The following COBLL1 variants were observed in gnomAD, a reference collection of about 807,000 sequenced individuals.
COBLL1 encodes the protein cordon-bleu protein-like 1.
Under a neutral mutation model 94.8 loss-of-function variants are expected in COBLL1, and 50 were observed. The observed-to-expected ratio is 0.53, with a 90% CI of 0.42 to 0.67. The LOEUF (loss-of-function observed/expected upper bound fraction) is 0.67. Ranked by LOEUF, COBLL1 falls within the 30% of genes least tolerant of loss-of-function variation. COBLL1 has a pLI of 0.00. For missense variants in COBLL1, 1,362 were observed against 1,348.7 expected (o/e 1.01, Z -0.15); for synonymous variants, 448 against 473.8 (o/e 0.95, Z 0.71).
intron 3 of COBLL1, among the ~76,000 whole-genome samples, chr2:164,735,232 A>G (rs1454348299): frequency 2.6e-5 from 4 of 152,204 alleles, no homozygotes; most frequent in Non-Finnish European, 5.9e-5. Context: ...AAGGGGCTCA[A>G]ATGCATAGTA....
intron 2 of COBLL1, among the ~76,000 whole-genome samples, chr2:164,771,128 A>T (rs1688181225): frequency 6.6e-6 from 1 of 152,080 alleles, no homozygotes. Flanking sequence ...TTATCTCAAA[A>T]GCAAAACTAA....
intron 2 of COBLL1, among the ~76,000 whole-genome samples, chr2:164,751,072 A>C (rs1252577258): frequency 6.6e-6 from 1 of 152,090 alleles, no homozygotes; most frequent in East Asian, 1.9e-4. Context: ...TTTAACCAGA[A>C]AACTTCAAAT....
chr2:164,737,240 A>G (rs1686354135), intron 3 of COBLL1, among the ~76,000 whole-genome samples: 1 of 152,056 alleles, frequency 6.6e-6, no homozygotes. Flanking sequence ...GACGCCAGGA[A>G]AGCAAAGGGA....
intron 2 of COBLL1, chr2:164,771,843 C>A (rs1260428981): frequency 6.6e-6 from 1 of 151,574 alleles, no homozygotes; most frequent in African/African-American, 2.4e-5. Flanking sequence ...TCATCCAGTT[C>A]TAAAGATTAA....
intron 2 of COBLL1, among the ~76,000 whole-genome samples, chr2:164,823,145 T>C (rs1685264025): frequency 6.6e-6 from 1 of 152,216 alleles, no homozygotes; most frequent in Admixed American, 6.5e-5. Flanking sequence ...CTGGTGGTTG[T>C]TCAAAGATGT....
intron 7 of COBLL1, among the ~76,000 whole-genome samples, chr2:164,715,025 T>C (rs1247423245): frequency 6.6e-6 from 1 of 152,160 alleles, no homozygotes; most frequent in Non-Finnish European, 1.5e-5. Context: ...GTCAGAAACC[T>C]AAAATGTAAT....
At position 164,700,505 on chromosome 2, in the gene COBLL1, G is replaced by A. The variant is rs183167192; in HGVS notation, c.1460+17C>T. ...TAAACTAACGGCCACCAACACTCCA[G>A]CACAGAGACTACTTACTGTCCATCT... is the stretch of plus-strand genomic sequence containing the variant. On this transcript the variant is annotated intron_variant, in intron 10 of 13. Coordinates refer to ENST00000652658, the MANE Select transcript of COBLL1 (RefSeq NM_001365672.2). 4.4e-4 allele frequency: 666 copies of A among 1,527,224 alleles called. 3 individuals carry two copies. The African/African-American group carries it at 5.6e-3, about 13-fold the overall frequency. 94.6% of individuals were successfully genotyped at this position (1,527,224 alleles called of 1,614,324 possible). A position where few individuals can be genotyped will look rare whatever the true frequency, so the allele number is the denominator to read the frequency against.
intron 2 of COBLL1, among the ~76,000 whole-genome samples, chr2:164,783,794 C>T (rs563468965): frequency 1.3e-5 from 2 of 152,002 alleles, no homozygotes; most frequent in South Asian, 4.2e-4. Context: ...TAGCGAGATC[C>T]AATCACGACA....
chr2:164,833,489 C>G (rs907494901), intron 2 of COBLL1, among the ~76,000 whole-genome samples: 37 of 141,332 alleles, frequency 2.6e-4, no homozygotes, highest in Middle Eastern at 3.9e-3. Flanking sequence ...CTCACTCTTT[C>G]GCCCAGGCCG....
intron 2 of COBLL1, among the ~76,000 whole-genome samples, chr2:164,744,238 G>A (rs1005791013): frequency 1.3e-5 from 2 of 152,130 alleles, no homozygotes; most frequent in Admixed American, 1.3e-4. Context: ...TTTCAGGATA[G>A]AGATCAGTAT....
intron 2 of COBLL1, among the ~76,000 whole-genome samples, chr2:164,806,022 T>C (rs371424974): frequency 6.6e-6 from 1 of 152,234 alleles, no homozygotes; most frequent in Non-Finnish European, 1.5e-5. Flanking sequence ...GCCATTTTAA[T>C]AGGTGTTTAC....
chr2:164,805,337 C>CTCTCTCTATATATA (rs758137553), intron 2 of COBLL1, among the ~76,000 whole-genome samples: 2 of 17,050 alleles, frequency 1.2e-4, no homozygotes, highest in East Asian at 1.1e-3. Context: ...CTCTCTCTCT[C>CTCTCTCTATATATA]TATATATATA....
intron 2 of COBLL1, among the ~76,000 whole-genome samples, chr2:164,790,286 C>T (rs373294542): frequency 6.6e-6 from 1 of 152,076 alleles, no homozygotes; most frequent in African/African-American, 2.4e-5. Flanking sequence ...TGCCATGGGA[C>T]GGCATCCTAT....
intron 13 of COBLL1, among the ~76,000 whole-genome samples, chr2:164,687,005 A>C (rs1041806477): frequency 3.3e-5 from 5 of 152,132 alleles, no homozygotes; most frequent in South Asian, 4.1e-4. Context: ...CCTTTTACTA[A>C]ATAAAGATTG....
intron 3 of COBLL1, among the ~76,000 whole-genome samples, chr2:164,737,754 T>C (rs1686385064): frequency 6.6e-6 from 1 of 152,136 alleles, no homozygotes; most frequent in South Asian, 2.1e-4. Context: ...CCGATCCCTT[T>C]ATCTTGTCAT....
intron 2 of COBLL1, among the ~76,000 whole-genome samples, chr2:164,793,585 A>G (rs1294755420): frequency 1.3e-5 from 2 of 152,210 alleles, no homozygotes; most frequent in East Asian, 1.9e-4. Context: ...AAAAAACTAA[A>G]TGACTAAAAT....
intron 2 of COBLL1, among the ~76,000 whole-genome samples, chr2:164,658,611 A>G (rs1691019559): frequency 6.6e-6 from 1 of 152,192 alleles, no homozygotes. Flanking sequence ...TATCTGCCTG[A>G]TAGTTTTGAA....
chr2:164,803,799 G>T (rs551867792), intron 2 of COBLL1, among the ~76,000 whole-genome samples: 1 of 152,098 alleles, frequency 6.6e-6, no homozygotes, highest in South Asian at 2.1e-4. Context: ...AGCCCTAGAG[G>T]TACTTGAAGC....
At chr2:164,760,823 T>G (rs1490611547) in intron 2 of COBLL1, among the ~76,000 whole-genome samples, 2 of 152,346 alleles carry the variant, frequency 1.3e-5, no homozygotes. Flanking sequence ...GGAACTTGTT[T>G]ATAACACATG....
Sources: gnomAD v4.1 joint callset for allele counts (sites outside exome capture counted in the v4.1 genomes callset) on GRCh38, gnomAD v4.1.1 for gene constraint, MANE v1.5 for transcripts, NCBI Gene and HGNC (gene_info 2026-07-23, HGNC 2026-07-21) for gene names.